EFCAB5: variants seen among roughly 807,000 people sequenced by gnomAD.
EFCAB5 encodes EF-hand calcium binding domain 5.
In EFCAB5, 131 loss-of-function variants were observed where a neutral mutation model predicts 167.9. The ratio of observed to expected loss-of-function variants is 0.78; its 90% confidence interval spans 0.68 to 0.90. The LOEUF (loss-of-function observed/expected upper bound fraction) is 0.90, where lower values mean the gene tolerates loss of function less well. Among genes scored for constraint, EFCAB5 ranks in the 40% least tolerant of loss-of-function variants. EFCAB5 has a pLI of 0.00. For missense variants in EFCAB5, 1,663 were observed against 1,745.2 expected (o/e 0.95, Z 0.84); for synonymous variants, 574 against 602.8 (o/e 0.95, Z 0.70).
chr17:30,025,790 C>T (rs565743551), intron 7 of EFCAB5, among the ~76,000 whole-genome samples: 8 of 152,178 alleles, frequency 5.3e-5, no homozygotes, highest in Non-Finnish European at 8.8e-5. Context: ...CAATGATAGA[C>T]TGGATTAAGA....
intron 13 of EFCAB5, 74 bp from the exon 14 acceptor site, chr17:30,059,471 G>A: frequency 7.1e-7 from 1 of 1,416,360 alleles, no homozygotes; most frequent in Non-Finnish European, 9.4e-7. Context: ...GACTTTTTTT[G>A]GAATAAACAC....
chr17:29,993,082 A>G (rs2068457433), intron 4 of EFCAB5, 83 bp from the exon 5 acceptor site: 1 of 1,330,824 alleles, frequency 7.5e-7, no homozygotes, highest in African/African-American at 1.5e-5. Flanking sequence ...ACATTTTCAA[A>G]GAGAGTCTGA....
rs1451633308 is a variant in EFCAB5, at chr17:30,107,930, A to G, written c.4418A>G (p.Lys1473Arg). Residue 1473 changes from lysine (K) to arginine (R), a missense_variant, in exon 23 of 23, where the codon AAA (lysine) becomes AGA (arginine). Physicochemically the swap from Lys to Arg is conservative, Grantham distance 26. Transcript: ENST00000394835. ...TGTTCAGCTCTCATGAAGATAACCA[A>G]ACAACTAAATAGTGGTATTACACCT... ...HICSALMKIT[K>R]QLNSGITPPL... 2 of 1,611,934 alleles carry G rather than the reference A, an allele frequency of 1.2e-6. No homozygotes were observed. The highest frequency in any genetic ancestry group is 1.7e-6 in the Non-Finnish European group (2 of 1,179,452).
At chr17:30,036,616 C>A (rs2069637768) in intron 8 of EFCAB5, among the ~76,000 whole-genome samples, 1 of 151,752 alleles carries the variant, frequency 6.6e-6, no homozygotes, top group Admixed American at 6.6e-5. Flanking sequence ...TTTTTAGAAA[C>A]AGAGTCCCAC....
At chr17:30,042,140 C>G (rs1449297084) in intron 8 of EFCAB5, among the ~76,000 whole-genome samples, 1 of 151,946 alleles carries the variant, frequency 6.6e-6, no homozygotes, top group Admixed American at 6.6e-5. Flanking sequence ...TCTGGAGTAG[C>G]TGGGATTACA....
chr17:30,077,389 G>A (rs1245145459), intron 14 of EFCAB5, among the ~76,000 whole-genome samples: 1 of 152,182 alleles, frequency 6.6e-6, no homozygotes, highest in African/African-American at 2.4e-5. Flanking sequence ...GCATGTGTGT[G>A]TGTGTATGTG....
At chr17:30,097,577 C>T (rs1378511505) in intron 22 of EFCAB5, among the ~76,000 whole-genome samples, 1 of 152,202 alleles carries the variant, frequency 6.6e-6, no homozygotes, top group African/African-American at 2.4e-5. Context: ...TCAATTTCCT[C>T]TGATTATAAA....
intron 19 of EFCAB5, among the ~76,000 whole-genome samples, chr17:30,089,646 C>A (rs186912134): frequency 1.3e-5 from 2 of 152,222 alleles, no homozygotes; most frequent in East Asian, 3.9e-4. Flanking sequence ...CTGCTGTAGG[C>A]ACGGCCTGGC....
At chr17:29,984,445 C>T (rs1174014753) in intron 4 of EFCAB5, among the ~76,000 whole-genome samples, 2 of 152,106 alleles carry the variant, frequency 1.3e-5, no homozygotes, top group Admixed American at 6.6e-5. Flanking sequence ...TAAGGCCAGG[C>T]GTGGTGGCTT....
At chr17:30,057,228 T>G (rs931883505) in intron 12 of EFCAB5, among the ~76,000 whole-genome samples, 5 of 152,150 alleles carry the variant, frequency 3.3e-5, no homozygotes, top group Admixed American at 2.0e-4. Context: ...TAAGCCCTGT[T>G]TTTCTGTGTC....
chr17:30,075,719 C>T (rs7218379), intron 14 of EFCAB5, among the ~76,000 whole-genome samples: 78,118 of 151,910 alleles, frequency 0.51, 20,486 homozygotes, highest in African/African-American at 0.58. Context: ...GGATACCCTC[C>T]TCGCTCTGCT....
chr17:30,064,042 A>G (rs965850343), intron 14 of EFCAB5, among the ~76,000 whole-genome samples: 1 of 152,218 alleles, frequency 6.6e-6, no homozygotes, highest in Non-Finnish European at 1.5e-5. Context: ...AAGCCACTCT[A>G]GAAAGATTGG....
At chr17:30,040,088 G>A (rs1029638832) in intron 8 of EFCAB5, among the ~76,000 whole-genome samples, 3 of 152,204 alleles carry the variant, frequency 2.0e-5, no homozygotes, top group Non-Finnish European at 4.4e-5. Flanking sequence ...AGAGGCCCAG[G>A]TTGTCCCCTT....
intron 22 of EFCAB5, among the ~76,000 whole-genome samples, chr17:30,102,002 C>T (rs1307434441): frequency 1.3e-5 from 2 of 152,072 alleles, no homozygotes; most frequent in African/African-American, 2.4e-5. Flanking sequence ...CTCAAGTGTA[C>T]CAATTTGAAC....
chr17:29,966,354 G>A (rs558907571), intron 3 of EFCAB5, among the ~76,000 whole-genome samples: 1 of 152,174 alleles, frequency 6.6e-6, no homozygotes, highest in African/African-American at 2.4e-5. Context: ...GGATTGGCTG[G>A]GCATGGTGGT....
chr17:29,941,085 T>C (rs1268203855), upstream of EFCAB5, among the ~76,000 whole-genome samples: 1 of 152,046 alleles, frequency 6.6e-6, no homozygotes, highest in East Asian at 1.9e-4. Context: ...GAGCATTAGA[T>C]ACATACTATT....
intron 3 of EFCAB5, among the ~76,000 whole-genome samples, chr17:29,943,964 C>T (rs1350991316): frequency 6.6e-6 from 1 of 152,114 alleles, no homozygotes. Context: ...CAGAGCGAAA[C>T]TCCATCTCAA....
At chr17:30,045,040 GCAGAA>G (rs1382894925) in intron 8 of EFCAB5, among the ~76,000 whole-genome samples, 1 of 152,122 alleles carries the variant, frequency 6.6e-6, no homozygotes, top group Non-Finnish European at 1.5e-5. Context: ...GTGAAAGAAG[GCAGAA>G]CCAAAGGATG....
intron 19 of EFCAB5, 72 bp downstream of exon 19, chr17:30,087,238 C>T (rs2071107382): frequency 8.2e-7 from 1 of 1,212,872 alleles, no homozygotes; most frequent in Non-Finnish European, 1.2e-6. Flanking sequence ...CTGAAAGACA[C>T]AGCTTCTGAC....
Sources: allele counts gnomAD v4.1 joint callset (sites outside exome capture counted in the v4.1 genomes callset), GRCh38; gene constraint gnomAD v4.1.1; transcripts MANE v1.5; gene names NCBI Gene and HGNC (gene_info 2026-07-23, HGNC 2026-07-21).